Variants in COBL observed in about 807,000 individuals in gnomAD.
COBL encodes the protein cordon-bleu WH2 repeat protein, also known as protein cordon-bleu.
Under a neutral mutation model 98.8 loss-of-function variants are expected in COBL, and 51 were observed. That is an observed-to-expected ratio of 0.52 (90% CI 0.41 to 0.65). COBL has a LOEUF of 0.65. COBL is among the 30% of genes least tolerant of loss of function. The pLI is 0.00. For synonymous variants in COBL, 634 were observed against 651.7 expected, an observed-to-expected ratio of 0.97 and a Z score of 0.41; for missense variants, 1,617 against 1,617.5, an observed-to-expected ratio of 1.00 and a Z score of 0.01.
intron 1 of COBL, among the ~76,000 whole-genome samples, chr7:51,223,409 CTGTG>C (rs1793855875): frequency 6.6e-6 from 1 of 152,254 alleles, no homozygotes; most frequent in Non-Finnish European, 1.5e-5. Context: ...TAAAAAACGG[CTGTG>C]TGTTTCCATC....
intron 6 of COBL, among the ~76,000 whole-genome samples, chr7:51,087,139 G>T (rs201578720): frequency 7.9e-6 from 1 of 126,020 alleles, no homozygotes; most frequent in Non-Finnish European, 1.7e-5. Flanking sequence ...CACACACACA[G>T]AGACATACAC....
At chr7:51,281,144 T>A (rs1353917548) in intron 1 of COBL, among the ~76,000 whole-genome samples, 1 of 152,030 alleles carries the variant, frequency 6.6e-6, no homozygotes, top group South Asian at 2.1e-4. Flanking sequence ...CAAAAGAAAA[T>A]TTTAGATTTG....
At chr7:51,310,704 A>C (rs1321386884) in intron 1 of COBL, among the ~76,000 whole-genome samples, 1 of 152,170 alleles carries the variant, frequency 6.6e-6, no homozygotes, top group Non-Finnish European at 1.5e-5. Context: ...TTCTGTCATC[A>C]GGTGGAGTGC....
intron 7 of COBL, among the ~76,000 whole-genome samples, chr7:51,070,425 A>ACACACAC (rs57774327): frequency 2.6e-5 from 4 of 151,860 alleles, no homozygotes; most frequent in South Asian, 2.1e-4. Flanking sequence ...ACACACACAC[A>ACACACAC]AAATTCCGAG....
intron 6 of COBL, among the ~76,000 whole-genome samples, chr7:51,133,453 G>A (rs186517542): frequency 2.0e-5 from 3 of 152,158 alleles, no homozygotes; most frequent in Admixed American, 6.5e-5. Context: ...TGCTATGAAG[G>A]GGTGGTTCTC....
intron 2 of COBL, among the ~76,000 whole-genome samples, chr7:51,197,113 T>C (rs889411749): frequency 6.6e-6 from 1 of 152,188 alleles, no homozygotes; most frequent in Non-Finnish European, 1.5e-5. Context: ...TCAATTGTAG[T>C]GTTAGGTTGT....
intron 5 of COBL, among the ~76,000 whole-genome samples, chr7:51,144,011 T>C (rs1439707645): frequency 6.6e-6 from 1 of 152,090 alleles, no homozygotes; most frequent in East Asian, 1.9e-4. Context: ...TTATCCAAAA[T>C]AGAACTATTT....
intron 5 of COBL, among the ~76,000 whole-genome samples, chr7:51,143,976 G>A (rs1336259110): frequency 1.3e-5 from 2 of 152,152 alleles, no homozygotes; most frequent in Non-Finnish European, 2.9e-5. Flanking sequence ...ATAGAAGAGG[G>A]TTAAGAGGGT....
At chr7:51,310,651 G>C (rs1160722933) in intron 1 of COBL, among the ~76,000 whole-genome samples, 1 of 152,094 alleles carries the variant, frequency 6.6e-6, no homozygotes, top group East Asian at 1.9e-4. Flanking sequence ...TTGGAGGGTT[G>C]TTTTTGTTTT....
intron 1 of COBL, among the ~76,000 whole-genome samples, chr7:51,315,029 T>C (rs892423799): frequency 3.3e-5 from 5 of 152,184 alleles, no homozygotes; most frequent in Non-Finnish European, 7.3e-5. Flanking sequence ...TTAAATGTTC[T>C]CTCTGTCTTC....
intron 1 of COBL, among the ~76,000 whole-genome samples, chr7:51,292,640 G>A (rs551416645): frequency 1.3e-3 from 194 of 152,362 alleles, no homozygotes; most frequent in African/African-American, 4.4e-3. Context: ...CCTGCTGCCA[G>A]CTCTGAGGGA....
rs117801003 is a variant in COBL at position 51,305,275 on chromosome 7, C to T, written c.41+11318G>A. Among the ~76,000 whole-genome samples, 909 of 152,324 alleles carry T rather than the reference C, an allele frequency of 6.0e-3. 3 individuals carry two copies. Among genetic ancestry groups the T allele is most frequent in the Middle Eastern group, 0.02 (6 of 294 alleles). On this transcript the variant is annotated intron_variant, in intron 1 of 12. Coordinates refer to ENST00000265136, the MANE Select transcript of COBL (RefSeq NM_015198.5). ...GGGTAAATCATGAAAGCCAGCCCAG[C>T]GTAAACACAAGCCATGCTTTACTTC...
intron 2 of COBL, among the ~76,000 whole-genome samples, chr7:51,205,592 C>G (rs1441845432): frequency 6.7e-6 from 1 of 149,078 alleles, no homozygotes; most frequent in Non-Finnish European, 1.5e-5. Flanking sequence ...GAAAAAGCTT[C>G]ATGACATTGG....
chr7:51,232,551 C>T (rs1042213486), intron 1 of COBL, among the ~76,000 whole-genome samples: 2 of 152,138 alleles, frequency 1.3e-5, no homozygotes, highest in African/African-American at 4.8e-5. Context: ...GTGGCTCACA[C>T]CTGCAATCCC....
At chr7:51,146,615 G>A (rs982696233) in intron 5 of COBL, among the ~76,000 whole-genome samples, 11 of 149,068 alleles carry the variant, frequency 7.4e-5, no homozygotes, top group Non-Finnish European at 1.6e-4. Flanking sequence ...GGAGACAGAG[G>A]AAGGTGACCG....
intron 5 of COBL, among the ~76,000 whole-genome samples, chr7:51,152,466 G>C (rs143367675): frequency 2.0e-4 from 31 of 152,174 alleles, no homozygotes; most frequent in African/African-American, 7.0e-4. Flanking sequence ...ACATTTACAG[G>C]GCTGATTGCA....
rs1452378538 is a variant in COBL at position 51,016,408 on chromosome 7, C to G, written c.*1143G>C. 1 of 152,236 alleles carries G rather than the reference C, an allele frequency of 6.6e-6. No individual in the cohort carries two copies. Among genetic ancestry groups the G allele is most frequent in the Non-Finnish European group, 1.5e-5 (1 of 68,062 alleles). The allele number at this position is 152,236 out of a possible 1,614,324, so 9.4% of individuals were successfully genotyped here. ...TGACCTCACCATACTTGTTTTCTCA[C>G]TCAGATACACATTTTATTTCATCAA... On this transcript the variant is annotated 3_prime_UTR_variant, in exon 13 of 13. Transcript: ENST00000265136.
At chr7:51,157,539 G>A (rs561673638) in intron 5 of COBL, among the ~76,000 whole-genome samples, 1 of 152,304 alleles carries the variant, frequency 6.6e-6, no homozygotes, top group African/African-American at 2.4e-5. Context: ...TGTGCCCAGG[G>A]CAAGTGGTTG....
chr7:51,185,827 TTAA>T (rs1437596605), intron 4 of COBL, among the ~76,000 whole-genome samples: 1 of 152,242 alleles, frequency 6.6e-6, no homozygotes, highest in Non-Finnish European at 1.5e-5. Context: ...AGTCAGTGCA[TTAA>T]TAACACAGGC....
Sources: gnomAD v4.1 joint callset for allele counts (sites outside exome capture counted in the v4.1 genomes callset) on GRCh38, gnomAD v4.1.1 for gene constraint, MANE v1.5 for transcripts, NCBI Gene and HGNC (gene_info 2026-07-23, HGNC 2026-07-21) for gene names.